SUGCT: variants seen among roughly 807,000 people sequenced by gnomAD.
SUGCT encodes the protein succinyl-CoA:glutarate CoA-transferase.
A neutral mutation model predicts 55.0 loss-of-function variants in SUGCT; 41 were observed. That is an observed-to-expected ratio of 0.74 (90% CI 0.58 to 0.97). SUGCT has a LOEUF of 0.97. Ranked by LOEUF, SUGCT falls within the 50% of genes least tolerant of loss-of-function variation. The probability of loss-of-function intolerance (pLI) is 0.00; values close to 1 mark genes in which losing one functional copy is unlikely to be tolerated. For missense variants in SUGCT, 568 were observed against 547.8 expected (o/e 1.04, Z -0.37); for synonymous variants, 187 against 200.4 (o/e 0.93, Z 0.56).
intron 9 of SUGCT, among the ~76,000 whole-genome samples, chr7:40,400,009 A>G (rs541902331): frequency 6.6e-6 from 1 of 152,270 alleles, no homozygotes; most frequent in Admixed American, 6.5e-5. Flanking sequence ...AAATTGTGCC[A>G]CTGCACTCCA....
At chr7:40,185,090 C>T (rs1785425473) in intron 3 of SUGCT, among the ~76,000 whole-genome samples, 1 of 152,140 alleles carries the variant, frequency 6.6e-6, no homozygotes, top group African/African-American at 2.4e-5. Flanking sequence ...AGTCCTGCTC[C>T]CAGAGATGAT....
intron 1 of SUGCT, among the ~76,000 whole-genome samples, chr7:40,165,569 T>C (rs766665860): frequency 6.6e-6 from 1 of 152,180 alleles, no homozygotes; most frequent in Non-Finnish European, 1.5e-5. Context: ...ACAAATTACA[T>C]TACAATTTAT....
chr7:40,253,631 G>A (rs1790595496), intron 7 of SUGCT, among the ~76,000 whole-genome samples: 1 of 151,882 alleles, frequency 6.6e-6, no homozygotes, highest in Non-Finnish European at 1.5e-5. Context: ...GGCTCCACCT[G>A]TGCTCACTGC....
chr7:40,838,964 A>G (rs1192518216), intron 13 of SUGCT, among the ~76,000 whole-genome samples: 2 of 143,554 alleles, frequency 1.4e-5, no homozygotes, highest in African/African-American at 5.1e-5. Flanking sequence ...TTTTTTTCAC[A>G]TGTAGGTGTT....
intron 11 of SUGCT, among the ~76,000 whole-genome samples, chr7:40,476,643 C>T (rs1420719496): frequency 6.6e-6 from 1 of 151,900 alleles, no homozygotes; most frequent in African/African-American, 2.4e-5. Flanking sequence ...ATAAATATTT[C>T]ATAGTATACT....
intron 13 of SUGCT, among the ~76,000 whole-genome samples, chr7:40,858,398 C>A: frequency 1.2e-5 from 1 of 82,666 alleles, no homozygotes; most frequent in Non-Finnish European, 2.2e-5. Context: ...AGCAAAATTC[C>A]ATCTCAAAAA....
chr7:40,297,629 G>A (rs1054243960), intron 8 of SUGCT, among the ~76,000 whole-genome samples: 2 of 152,124 alleles, frequency 1.3e-5, no homozygotes, highest in African/African-American at 4.8e-5. Flanking sequence ...CATTAAATTG[G>A]TGAAAATCAG....
intron 6 of SUGCT, among the ~76,000 whole-genome samples, chr7:40,234,600 C>T (rs1029022060): frequency 2.0e-5 from 3 of 152,104 alleles, no homozygotes; most frequent in East Asian, 1.9e-4. Context: ...TGAATCAAGA[C>T]GTTTGGGTTT....
chr7:40,649,729 T>A (rs1800685343), intron 12 of SUGCT, among the ~76,000 whole-genome samples: 1 of 152,188 alleles, frequency 6.6e-6, no homozygotes, highest in Non-Finnish European at 1.5e-5. Context: ...GGCGTCTTCC[T>A]TCCCAAGACC....
intron 12 of SUGCT, among the ~76,000 whole-genome samples, chr7:40,516,326 A>G (rs1019137736): frequency 5.9e-5 from 9 of 152,182 alleles, no homozygotes; most frequent in Admixed American, 1.3e-4. Context: ...TTGACACACA[A>G]AAGTTTTTAG....
intron 13 of SUGCT, chr7:40,775,463 G>A (rs114926963): frequency 6.6e-6 from 1 of 152,190 alleles, no homozygotes; most frequent in Admixed American, 6.5e-5. Flanking sequence ...TAATTAATAT[G>A]CATTGAGTGC....
At chr7:40,146,503 G>A (rs1478537265) in intron 1 of SUGCT, among the ~76,000 whole-genome samples, 3 of 152,246 alleles carry the variant, frequency 2.0e-5, no homozygotes, top group African/African-American at 7.2e-5. Context: ...TTGACAGCAA[G>A]TCAGTCGTAA....
At chr7:40,906,362 G>C in the SUGCT span, among the ~76,000 whole-genome samples, 1 of 151,996 alleles carries the variant, frequency 6.6e-6, no homozygotes, top group East Asian at 1.9e-4. Flanking sequence ...ATTGGCCAAA[G>C]GACTAATAGT....
chr7:40,241,668 T>C (rs1439583600), intron 7 of SUGCT, among the ~76,000 whole-genome samples: 1 of 151,438 alleles, frequency 6.6e-6, no homozygotes, highest in Admixed American at 6.6e-5. Flanking sequence ...ATGCCTGTAA[T>C]TCCAGCACTT....
chr7:40,928,959 G>A, the SUGCT span, among the ~76,000 whole-genome samples: 1 of 151,938 alleles, frequency 6.6e-6, no homozygotes, highest in Non-Finnish European at 1.5e-5. Flanking sequence ...TGTACTTTAA[G>A]TTCTAGGGTA....
At chr7:40,840,846 A>C (rs1460658037) in intron 13 of SUGCT, among the ~76,000 whole-genome samples, 1 of 66,136 alleles carries the variant, frequency 1.5e-5, no homozygotes, top group Non-Finnish European at 2.9e-5. Flanking sequence ...ATAAATTACA[A>C]ATATCAAATA....
At chr7:40,250,259 G>A (rs191572169) in intron 7 of SUGCT, among the ~76,000 whole-genome samples, 6 of 151,954 alleles carry the variant, frequency 3.9e-5, no homozygotes, top group Non-Finnish European at 8.8e-5. Flanking sequence ...AATTAGCGGG[G>A]CGTGGAGGTG....
rs186744202 is a variant in SUGCT at position 40,319,565 on chromosome 7, A to G, written c.816+2710A>G. 5.9e-5 allele frequency among the ~76,000 whole-genome samples: 9 copies of G among 152,294 alleles called. No homozygotes were observed. The East Asian group carries it at 1.7e-3, about 29-fold the overall frequency. ...CTCTCCTCCATTCTTGTTGAACCCT[A>G]TCTGAAAGATTGTATACCTCAAATG... is the stretch of plus-strand genomic sequence containing the variant. On this transcript the variant is annotated intron_variant, in intron 9 of 13. Transcript: ENST00000335693.
intron 11 of SUGCT, among the ~76,000 whole-genome samples, chr7:40,489,656 G>A (rs1212171123): frequency 1.3e-5 from 2 of 152,064 alleles, no homozygotes; most frequent in Non-Finnish European, 2.9e-5. Context: ...ACTCTAGCCT[G>A]GTGACAGAGC....
Sources: allele counts gnomAD v4.1 joint callset (sites outside exome capture counted in the v4.1 genomes callset), GRCh38; gene constraint gnomAD v4.1.1; transcripts MANE v1.5; gene names NCBI Gene and HGNC (gene_info 2026-07-23, HGNC 2026-07-21).